Variants in AGT observed in about 807,000 individuals in gnomAD.
AGT encodes the protein angiotensinogen.
Under a neutral mutation model 28.1 loss-of-function variants are expected in AGT, and 26 were observed. The ratio of observed to expected loss-of-function variants is 0.92; its 90% CI spans 0.68 to 1.28. The LOEUF (loss-of-function observed/expected upper bound fraction) is 1.28. Among genes scored for constraint, AGT ranks in the 50% most tolerant of loss-of-function variants. The pLI, the probability that AGT is intolerant of heterozygous loss-of-function variation, is 0.00. For missense variants in AGT, 596 were observed against 592.3 expected, an observed-to-expected ratio of 1.01 and a Z score of -0.06; for synonymous variants, 259 against 259.6, an observed-to-expected ratio of 1.00 and a Z score of 0.02.
rs993024975 is a variant in AGT, at chr1:230,703,032, TG to T, written c.*108del. On this transcript the variant is annotated 3_prime_UTR_variant, in exon 5 of 5. Coordinates refer to ENST00000366667, the MANE Select transcript of AGT (RefSeq NM_001384479.1). ...CTCATTAGAAGAAAAGGTGGGAGAC[TG>T]GGGGTGACACATCGCTGATTTGTCC... The T allele has an allele frequency of 1.8e-5, 23 of 1,244,156 alleles. No individual in the cohort carries two copies. The highest frequency in any genetic ancestry group is 2.4e-5 in the Non-Finnish European group (21 of 886,724). The allele number at this position is 1,244,156 out of a possible 1,614,324, so 77.1% of individuals were successfully genotyped here.
rs144236051 is a variant in AGT at position 230,739,895 on chromosome 1, C to A, written c.-31+5620G>T. Among the ~76,000 whole-genome samples, 1,207 of 152,128 alleles carry A rather than the reference C, an allele frequency of 7.9e-3. 22 individuals are homozygous for A. Among genetic ancestry groups the A allele is most frequent in the African/African-American group, 0.028 (1,163 of 41,476 alleles). ...CCCAGGAGAGGGTTCTTGGACCTCACGCAAGAAAGAATTCAGGACGAGTCT... is the reference window on the plus strand; with the variant it reads ...CCCAGGAGAGGGTTCTTGGACCTCAAGCAAGAAAGAATTCAGGACGAGTCT... On this transcript the variant is annotated intron_variant, in intron 1 of 4. Coordinates refer to the AGT transcript ENST00000681269.
rs143479528 is a variant in AGT, at chr1:230,703,157, G to T, written c.1415C>A (p.Pro472Gln). The T allele has an allele frequency of 2.5e-6, 4 of 1,613,898 alleles. No individual in the cohort carries two copies. Among genetic ancestry groups the T allele is most frequent in the Admixed American group, 1.7e-5 (1 of 60,036 alleles). ...ALHFLGRVANPLSTA is the reference protein window; with the variant it reads ...ALHFLGRVANQLSTA ...GCCCTGGCCTCATGCTGTGCTCAGC[G>T]GGTTGGCCACGCGGCCCAGGAAGTG... Residue 472 changes from proline to glutamine, a missense_variant, in exon 5 of 5, where the codon CCG becomes CAG. Pro to Gln is a moderately conservative substitution (Grantham distance 76). Coordinates refer to ENST00000366667, the MANE Select transcript of AGT (RefSeq NM_001384479.1).
At chr1:230,708,182 C>T (rs922851109) in intron 2 of AGT, among the ~76,000 whole-genome samples, 11 of 152,132 alleles carry the variant, frequency 7.2e-5, no homozygotes, top group Non-Finnish European at 1.3e-4. Context: ...TGGAGGCCGG[C>T]GAGGATCCTG....
In AGT at chr1:230,710,594, T is replaced by A; in HGVS notation, c.230A>T (p.Asp77Val). 1 of 1,614,246 alleles carries A rather than the reference T, an allele frequency of 6.2e-7. No individual in the cohort carries two copies. Among genetic ancestry groups the A allele is most frequent in the Non-Finnish European group, 8.5e-7 (1 of 1,180,040 alleles). The change falls in exon 2 of 5, where the codon GAC becomes GTC. Residue 77 changes from aspartate to valine, a missense_variant. Asp to Val is a radical substitution (Grantham distance 152). Coordinates refer to ENST00000366667, the MANE Select transcript of AGT (RefSeq NM_001384479.1). The part of the protein sequence containing the change: ...TSPVDEKALQ[D>V]QLVLVAAKLD... ...TTTTGCAGCGACTAGCACCAGCTGG[T>A]CCTGTAGGGCCTTTTCATCCACAGG... is the stretch of plus-strand genomic sequence containing the variant.
At chr1:230,741,938 C>G in intron 1 of AGT, among the ~76,000 whole-genome samples, 1 of 152,086 alleles carries the variant, frequency 6.6e-6, no homozygotes, top group East Asian at 1.9e-4. Flanking sequence ...CACCTGTAGT[C>G]CCAGCCACTG....
rs369187997 is a variant in AGT, at chr1:230,722,755, A to G, written c.-30-11902T>C. Among the ~76,000 whole-genome samples, 123 of 152,314 alleles carry G rather than the reference A, an allele frequency of 8.1e-4. 1 individual carries two copies. Among genetic ancestry groups the G allele is most frequent in the African/African-American group, 3.0e-3 (123 of 41,570 alleles). On this transcript the variant is annotated intron_variant, in intron 1 of 4. Transcript: ENST00000681269. ...ATCCAACTGCCTGTACCCCCACTGT[A>G]TCTTGGAAGTAACTAACTTGCTTTT...
chr1:230,713,369 G>A (rs1157182290), intron 1 of AGT, among the ~76,000 whole-genome samples: 3 of 152,190 alleles, frequency 2.0e-5, no homozygotes, highest in Admixed American at 1.3e-4. Context: ...ACGTCACACA[G>A]CTGGGAAGAG....
intron 3 of AGT, among the ~76,000 whole-genome samples, chr1:230,705,257 C>T (rs10864772): frequency 0.5 from 75,671 of 151,628 alleles, 21,774 homozygotes; most frequent in African/African-American, 0.8. Context: ...AATTTTGTTA[C>T]GTATATTTTA....
chr1:230,703,542 C>A (rs61751073), intron 4 of AGT, among the ~76,000 whole-genome samples: 2 of 151,944 alleles, frequency 1.3e-5, no homozygotes, highest in Non-Finnish European at 2.9e-5. Flanking sequence ...TAATTGGCCA[C>A]AATGGCCAAA....
At chr1:230,739,082 G>A (rs1419728708) in intron 1 of AGT, among the ~76,000 whole-genome samples, 1 of 152,022 alleles carries the variant, frequency 6.6e-6, no homozygotes, top group African/African-American at 2.4e-5. Context: ...ATAAGGCCAG[G>A]TGCAGTGGCT....
intron 1 of AGT, among the ~76,000 whole-genome samples, chr1:230,741,587 G>A (rs1372515198): frequency 6.6e-6 from 1 of 152,240 alleles, no homozygotes; most frequent in Non-Finnish European, 1.5e-5. Flanking sequence ...TCATGAATGA[G>A]TGCCCACTAG....
At chr1:230,718,154 A>G (rs1279762434), upstream of AGT, among the ~76,000 whole-genome samples, 1 of 152,104 alleles carries the variant, frequency 6.6e-6, no homozygotes, top group African/African-American at 2.4e-5. Flanking sequence ...TATGTTGCCC[A>G]GGCTGATCTT....
At chr1:230,737,101 T>A (rs1664169503) in intron 1 of AGT, among the ~76,000 whole-genome samples, 1 of 151,956 alleles carries the variant, frequency 6.6e-6, no homozygotes, top group Admixed American at 6.6e-5. Flanking sequence ...CTCCCCAATC[T>A]CCCCTAGTTC....
Position 230,710,812 on chromosome 1 carries a change from G to T in AGT, c.12C>A (p.Ala4=). MAP[A]GVSLRATILC... is the part of the protein sequence containing the mutation. ...GGATGGTGGCCCTCAGGCTCACACC[G>T]GCAGGAGCCATCTCAGACTGGGGTG... The change falls in exon 2 of 5, where the codon GCC becomes GCA. Residue 4 remains alanine (A), a synonymous_variant. Transcript: ENST00000366667. The T allele has an allele frequency of 1.2e-6, 2 of 1,613,970 alleles. No individual in the cohort carries two copies. The highest frequency in any genetic ancestry group is 1.7e-6 in the Non-Finnish European group (2 of 1,180,016).
At chr1:230,713,730 T>A (rs998383889) in intron 1 of AGT, among the ~76,000 whole-genome samples, 9 of 152,176 alleles carry the variant, frequency 5.9e-5, no homozygotes, top group African/African-American at 1.4e-4. Flanking sequence ...CCAGCCCCAA[T>A]TCCTGCACAA....
intron 1 of AGT, among the ~76,000 whole-genome samples, chr1:230,723,381 A>G (rs896628659): frequency 3.3e-5 from 5 of 152,230 alleles, no homozygotes; most frequent in African/African-American, 1.2e-4. Flanking sequence ...CACAACCTTT[A>G]TTCTCACTTG....
chr1:230,727,982 A>T (rs1663975514), intron 1 of AGT, among the ~76,000 whole-genome samples: 1 of 152,170 alleles, frequency 6.6e-6, no homozygotes. Flanking sequence ...CCTCCTCAAA[A>T]ATATGAAGGC....
chr1:230,724,516 G>A (rs2478530), intron 1 of AGT, among the ~76,000 whole-genome samples: 7,802 of 151,994 alleles, frequency 0.051, 257 homozygotes, highest in Middle Eastern at 0.14. Context: ...TTCACCAATC[G>A]AAAACTGATT....
intron 1 of AGT, among the ~76,000 whole-genome samples, chr1:230,731,875 TA>T (rs1664076406): frequency 6.6e-6 from 1 of 151,634 alleles, no homozygotes; most frequent in African/African-American, 2.4e-5. Context: ...TCAAAAAAAA[TA>T]ATAACAACAA....
Sources: allele counts gnomAD v4.1 joint callset (sites outside exome capture counted in the v4.1 genomes callset), GRCh38; gene constraint gnomAD v4.1.1; transcripts MANE v1.5; gene names NCBI Gene and HGNC (gene_info 2026-07-23, HGNC 2026-07-21).